The following ANKFN1 variants were observed in gnomAD, a reference collection of about 807,000 sequenced individuals.
ANKFN1 encodes ankyrin repeat and fibronectin type-III domain-containing protein 1.
In ANKFN1, 74 loss-of-function variants were observed where a neutral mutation model predicts 108.7. The observed-to-expected ratio is 0.68, with a 90% confidence interval of 0.56 to 0.83. The LOEUF is 0.83. Ranked by LOEUF, ANKFN1 falls within the 40% of genes least tolerant of loss-of-function variation. ANKFN1 has a pLI of 0.00. For missense variants in ANKFN1, 1,505 were observed against 1,382.3 expected (o/e 1.09, Z -1.41); for synonymous variants, 547 against 516.2 (o/e 1.06, Z -0.81).
intron 2 of ANKFN1, among the ~76,000 whole-genome samples, chr17:56,226,679 A>G (rs570035708): frequency 6.6e-6 from 1 of 152,244 alleles, no homozygotes; most frequent in Non-Finnish European, 1.5e-5. Context: ...TGGTTTTACA[A>G]CTTGGCCTTC....
intron 6 of ANKFN1, among the ~76,000 whole-genome samples, chr17:56,371,061 C>T (rs1258649502): frequency 6.6e-6 from 1 of 152,024 alleles, no homozygotes; most frequent in Non-Finnish European, 1.5e-5. Context: ...AGGGATTCTG[C>T]ATAGTGTAGC....
chr17:56,155,961 T>A (rs1468860562), intron 1 of ANKFN1, among the ~76,000 whole-genome samples: 1 of 152,142 alleles, frequency 6.6e-6, no homozygotes, highest in East Asian at 1.9e-4. Context: ...TCTGGGAAAC[T>A]TGGATGTGGT....
chr17:56,318,029 T>C (rs1189265159), intron 3 of ANKFN1, among the ~76,000 whole-genome samples: 2 of 152,238 alleles, frequency 1.3e-5, no homozygotes. Context: ...AGCTCTTTAG[T>C]GCAGATTGAG....
intron 3 of ANKFN1, among the ~76,000 whole-genome samples, chr17:56,292,573 A>G (rs2044393135): frequency 6.6e-6 from 1 of 152,174 alleles, no homozygotes; most frequent in Non-Finnish European, 1.5e-5. Context: ...TGCATTGCTC[A>G]TTTCCTCCAT....
chr17:56,510,816 C>G lies in ANKFN1; in HGVS notation c.2988C>G (p.Phe996Leu). Residue 996 changes from phenylalanine (F) to leucine (L), a missense_variant, in exon 21 of 21, where the codon TTC becomes TTG. Physicochemically the swap from Phe to Leu is conservative, Grantham distance 22 (BLOSUM62 0). Coordinates refer to ENST00000682825, the MANE Select transcript of ANKFN1 (RefSeq NM_001370326.1). ...TVSGGRPPLGFLGKRKPGKHP... is the reference protein window; with the variant it reads ...TVSGGRPPLGLLGKRKPGKHP... ...CCGGTGGGCGGCCCCCGCTAGGCTT[C>G]CTGGGAAAGCGGAAGCCAGGCAAGC... The G allele has an allele frequency of 6.5e-7, 1 of 1,536,172 alleles. No individual in the cohort carries two copies. Among genetic ancestry groups the G allele is most frequent in the Non-Finnish European group, 8.7e-7 (1 of 1,146,908 alleles).
intron 8 of ANKFN1, among the ~76,000 whole-genome samples, chr17:56,435,552 G>A (rs2048903415): frequency 6.6e-6 from 1 of 152,150 alleles, no homozygotes; most frequent in Non-Finnish European, 1.5e-5. Context: ...GGAGAAAACA[G>A]CACAAGCAAT....
chr17:56,441,727 G>T (rs1000250986), intron 9 of ANKFN1, among the ~76,000 whole-genome samples: 1 of 152,168 alleles, frequency 6.6e-6, no homozygotes, highest in African/African-American at 2.4e-5. Flanking sequence ...ACCATCTAAT[G>T]AAAGAAATGC....
chr17:56,136,208 A>G (rs1374038657), intron 4 of ANKFN1, among the ~76,000 whole-genome samples: 2 of 152,160 alleles, frequency 1.3e-5, no homozygotes, highest in Non-Finnish European at 2.9e-5. Flanking sequence ...GAATCTCACC[A>G]TTCACTGCCC....
In ANKFN1 at chr17:56,217,983, C is replaced by T. The variant is rs375158714; in HGVS notation, c.12+5304C>T. On this transcript the variant is annotated intron_variant, in intron 2 of 20. Transcript: ENST00000682825. ...TCAACGTGTCTAAAACTACTTTGGCCACAGCTATAGCTTAGAACTTCATCC... is the reference window on the plus strand; with the variant it reads ...TCAACGTGTCTAAAACTACTTTGGCTACAGCTATAGCTTAGAACTTCATCC... Among the ~76,000 whole-genome samples the T allele has an allele frequency of 1.4e-4, 21 of 152,254 alleles. 1 individual carries two copies. The highest frequency in any genetic ancestry group is 4.6e-4 in the African/African-American group (19 of 41,546).
intron 8 of ANKFN1, among the ~76,000 whole-genome samples, chr17:56,395,967 G>A (rs753486123): frequency 5.3e-5 from 8 of 152,104 alleles, no homozygotes; most frequent in Non-Finnish European, 1.0e-4. Context: ...TAGAGTAATA[G>A]TTCCAAAAAT....
intron 13 of ANKFN1, 145 bp downstream of exon 13, chr17:56,457,534 A>G: frequency 2.2e-6 from 2 of 910,004 alleles, no homozygotes; most frequent in Non-Finnish European, 3.3e-6. Flanking sequence ...CAGCCCTGGT[A>G]TGCCCTATGT....
chr17:56,262,661 G>A (rs932866779), intron 3 of ANKFN1, among the ~76,000 whole-genome samples: 4 of 152,128 alleles, frequency 2.6e-5, no homozygotes, highest in Non-Finnish European at 5.9e-5. Flanking sequence ...CATAGCTCTG[G>A]CAAATGCCTC....
At chr17:56,321,889 C>T (rs180907195) in intron 3 of ANKFN1, among the ~76,000 whole-genome samples, 1 of 152,170 alleles carries the variant, frequency 6.6e-6, no homozygotes, top group Non-Finnish European at 1.5e-5. Flanking sequence ...TCCCGTTTCC[C>T]AGACCCAGGT....
intron 3 of ANKFN1, among the ~76,000 whole-genome samples, chr17:56,275,716 C>T (rs1265858971): frequency 6.6e-6 from 1 of 152,016 alleles, no homozygotes; most frequent in East Asian, 1.9e-4. Context: ...CATTGGGGAG[C>T]ACAGAATATT....
At chr17:56,184,361 T>C (rs568342789) in intron 1 of ANKFN1, among the ~76,000 whole-genome samples, 2 of 152,324 alleles carry the variant, frequency 1.3e-5, no homozygotes, top group South Asian at 4.1e-4. Context: ...GACTCAGAGA[T>C]GATTGTATGC....
chr17:56,339,375 G>A (rs765737069), intron 4 of ANKFN1, among the ~76,000 whole-genome samples: 15 of 152,016 alleles, frequency 9.9e-5, no homozygotes, highest in Non-Finnish European at 2.2e-4. Context: ...CTTGTGTCAT[G>A]GGGTTTTGTT....
intron 3 of ANKFN1, among the ~76,000 whole-genome samples, chr17:56,275,513 G>C (rs540176208): frequency 6.2e-4 from 95 of 152,236 alleles, no homozygotes; most frequent in African/African-American, 2.2e-3. Context: ...GGAAAAATAA[G>C]ATTTAGTTGA....
chr17:56,400,143 T>G (rs1452358891), intron 8 of ANKFN1, among the ~76,000 whole-genome samples: 1 of 152,034 alleles, frequency 6.6e-6, no homozygotes, highest in Non-Finnish European at 1.5e-5. Context: ...TACTTTTAGT[T>G]ATTTAAGGAA....
Position 56,228,075 on chromosome 17 carries a change from A to T in ANKFN1, c.53+118A>T. On this transcript the variant is annotated intron_variant, in intron 3 of 20. Transcript: ENST00000682825. ...ATTTTTAAAGTCTAGCTCAGCACAC[A>T]CAGCCAATCTAACATTTCATACTAT... 3.8e-6 allele frequency: 3 copies of T among 788,902 alleles called. No individual in the cohort carries two copies. In the East Asian group the frequency reaches 8.3e-5, roughly 22 times the overall value. The allele number at this position is 788,902 out of a possible 1,614,324, so 48.9% of individuals were successfully genotyped here.
Sources: gnomAD v4.1 joint callset for allele counts (sites outside exome capture counted in the v4.1 genomes callset) on GRCh38, gnomAD v4.1.1 for gene constraint, MANE v1.5 for transcripts, NCBI Gene and HGNC (gene_info 2026-07-23, HGNC 2026-07-21) for gene names.